The following NCOR2 variants were observed in gnomAD, a reference collection of about 807,000 sequenced individuals.
NCOR2 encodes the protein CTG repeat protein 26.
In NCOR2, 81 loss-of-function variants were observed where a neutral mutation model predicts 262.9. The observed-to-expected ratio is 0.31, with a 90% CI of 0.26 to 0.37. NCOR2 has a LOEUF of 0.37. Among genes scored for constraint, NCOR2 ranks in the 10% least tolerant of loss-of-function variants. The pLI is 1.00. For missense variants in NCOR2, 3,385 were observed against 3,621.4 expected (o/e 0.93, Z 1.68); for synonymous variants, 1,659 against 1,559.3 (o/e 1.06, Z -1.51).
chr12:124,446,860 A>G (rs1022288761), intron 7 of NCOR2, among the ~76,000 whole-genome samples: 6 of 152,238 alleles, frequency 3.9e-5, no homozygotes, highest in African/African-American at 1.2e-4. Context: ...ACAGAAGTTG[A>G]CTACTTACAG....
At chr12:124,350,508 T>C in intron 28 of NCOR2, 79 bp downstream of exon 30, 2 of 1,541,540 alleles carry the variant, frequency 1.3e-6, no homozygotes, top group Non-Finnish European at 8.8e-7. Context: ...AATCCAGCCC[T>C]GCCTCCCTGT....
In NCOR2 at chr12:124,443,236, C is replaced by G. The variant is rs984532618; in HGVS notation, c.816-5240G>C. 1.3e-5 allele frequency among the ~76,000 whole-genome samples: 2 copies of G among 152,218 alleles called. No individual in the cohort carries two copies. The highest frequency in any genetic ancestry group is 2.9e-5 in the Non-Finnish European group (2 of 68,040). On this transcript the variant is annotated intron_variant, in intron 7 of 46. Coordinates refer to ENST00000405201, the Ensembl canonical transcript of NCOR2. This position sits in a 1 kb window ranked among gnomAD's most constrained non-coding sequence, Gnocchi z 4.4. The stretch of plus-strand genomic sequence containing the variant: ...GAAAACGACTCGGTGAGCATGAGGC[C>G]TCGGGGTGGTGGTGATGTGCATGCA...
intron 18 of NCOR2, among the ~76,000 whole-genome samples, chr12:124,377,841 AAAAAAAAAAAC>A (rs1401470690): frequency 2.0e-5 from 3 of 151,840 alleles, no homozygotes; most frequent in East Asian, 3.9e-4. Flanking sequence ...TCCGTCTGAA[AAAAAAAAAAAC>A]AAAAAAAAAC....
At chr12:124,417,207 C>CAGGCCGGACACTCACTCCACGCAG (rs2042946413) in intron 13 of NCOR2, among the ~76,000 whole-genome samples, 3 of 32,978 alleles carry the variant, frequency 9.1e-5, no homozygotes, top group Admixed American at 4.1e-4. Context: ...ACTCCACGGA[C>CAGGCCGGACACTCACTCCACGCAG]AGCAGGCCGG....
At chr12:124,434,166 AG>A (rs2044196701) in intron 8 of NCOR2, among the ~76,000 whole-genome samples, 1 of 151,844 alleles carries the variant, frequency 6.6e-6, no homozygotes, top group South Asian at 2.1e-4. Context: ...CTCTGGGAAG[AG>A]GTATGGGGGT....
chr12:124,378,479 A>C lies in NCOR2; in HGVS notation c.2020-95T>G. 7.7e-7 allele frequency: 1 copy of C among 1,301,964 alleles called. No homozygotes were observed. The highest frequency in any genetic ancestry group is 2.5e-5 in the East Asian group (1 of 39,616). The allele number at this position is 1,301,964 out of a possible 1,614,324, so 80.7% of individuals were successfully genotyped here. On this transcript the variant is annotated intron_variant, in intron 17 of 46. Coordinates refer to ENST00000405201, the Ensembl canonical transcript of NCOR2. The surrounding 1 kb of genome is among the most constrained non-coding windows in gnomAD (Gnocchi z 4.2). ...GGGCCTCGCCGCAGGTGCAAAGGGC[A>C]GTGATCCCGGCCATGTAGCAATGAG...
At chr12:124,395,662 G>GCTTCTTCC (rs1565905353) in intron 16 of NCOR2, among the ~76,000 whole-genome samples, 4 of 152,178 alleles carry the variant, frequency 2.6e-5, no homozygotes, top group Non-Finnish European at 5.9e-5. Flanking sequence ...CAGAGGGCAG[G>GCTTCTTCC]CACTGTCTTC....
rs980170294 is a variant in NCOR2, at chr12:124,483,355, A to G, written c.411+241T>C. Among the ~76,000 whole-genome samples the G allele has an allele frequency of 7.3e-5, 11 of 151,560 alleles. No individual in the cohort carries two copies. The highest frequency in any genetic ancestry group is 2.4e-4 in the African/African-American group (10 of 41,188). Reference sequence around the variant, plus strand: ...CCTATTCCTGCCCCAGGGCCTTTGCACTTGCTGCTCTGCCCACCTGGAACA... The same window carrying G: ...CCTATTCCTGCCCCAGGGCCTTTGCGCTTGCTGCTCTGCCCACCTGGAACA... On this transcript the variant is annotated intron_variant, in intron 3 of 46. Coordinates refer to ENST00000405201, the Ensembl canonical transcript of NCOR2. This position sits in a 1 kb window ranked among gnomAD's most constrained non-coding sequence, Gnocchi z 6.3.
Position 124,483,719 on chromosome 12 carries a change from C to T in NCOR2, c.288G>A (p.Gly96=). 2 of 1,611,448 alleles carry T rather than the reference C, an allele frequency of 1.2e-6. No individual in the cohort carries two copies. Among genetic ancestry groups the T allele is most frequent in the Non-Finnish European group, 1.7e-6 (2 of 1,178,880 alleles). ...TTTCAATGAACTCCATCTCTGACTT[C>T]CCCAGCTCGGGCAGGTATGAGTGGG... The change falls in exon 3 of 47, where the codon GGG becomes GGA. Residue 96 remains glycine (G), a synonymous_variant. Coordinates refer to ENST00000405201, the Ensembl canonical transcript of NCOR2. This position sits in a 1 kb window ranked among gnomAD's most constrained non-coding sequence, Gnocchi z 6.3.
At position 124,346,522 on chromosome 12, in the gene NCOR2, C is replaced by T. The variant is rs749776481; in HGVS notation, c.4359+42G>A. ...GGCAGTGCCCCACAGCCACCGCCAC[C>T]CCTCCTAGAACTGGGCCCGTGTGCC... On this transcript the variant is annotated intron_variant, in intron 31 of 46. Transcript: ENST00000405201. 7.5e-6 allele frequency: 11 copies of T among 1,465,314 alleles called. No individual in the cohort carries two copies. The South Asian group carries it at 1.4e-4, about 19-fold the overall frequency. 90.8% of individuals were successfully genotyped at this position (1,465,314 alleles called of 1,614,324 possible).
At chr12:124,336,887 G>T in exon 38 of NCOR2, 1 of 1,608,048 alleles carries the variant, frequency 6.2e-7, no homozygotes, top group Non-Finnish European at 8.5e-7. Context: ...CTTCGCAGGG[G>T]TGCGGGCGAT....
chr12:124,533,288 C>T (rs997151675), intron 1 of NCOR2, among the ~76,000 whole-genome samples: 1 of 152,020 alleles, frequency 6.6e-6, no homozygotes. Flanking sequence ...CTCAGAATCG[C>T]GCAACCCGGG....
chr12:124,372,091 T>TG lies in NCOR2; in HGVS notation c.2737dup (p.Gln913ProfsTer16). The TG allele has an allele frequency of 6.2e-7, 1 of 1,603,716 alleles. No individual in the cohort carries two copies. On this transcript the variant is annotated frameshift_variant, in exon 20 of 47. Transcript: ENST00000405201. LOFTEE classifies it high-confidence loss of function. ...GCAGGTAGCACTGGAGTCGCTGTCC[T>TG]GGGGGGCGCCCGAGCTCTTGGCTGT... is the stretch of plus-strand genomic sequence containing the variant.
rs115918779 is a variant in NCOR2, at chr12:124,373,122, C to T, written c.2219-512G>A. Among the ~76,000 whole-genome samples the T allele has an allele frequency of 3.4e-3, 511 of 152,392 alleles. 4 individuals carry two copies. Among genetic ancestry groups the T allele is most frequent in the African/African-American group, 0.011 (477 of 41,596 alleles). The stretch of plus-strand genomic sequence containing the variant: ...AAGCTGGCAATTGTGAGGGCAAGGG[C>T]AACTGCCTGGTGACTGCCTGCTGCT... On this transcript the variant is annotated intron_variant, in intron 19 of 46. Transcript: ENST00000405201.
rs541274520 is a variant in NCOR2 at position 124,422,590 on chromosome 12, C to G, written c.1329-35G>C. 4.0e-5 allele frequency: 65 copies of G among 1,612,384 alleles called. No homozygotes were observed. The Admixed American group carries it at 7.7e-4, about 19-fold the overall frequency. On this transcript the variant is annotated intron_variant, in intron 11 of 46. Transcript: ENST00000405201. ...GAGAAGGGTGGGCGTGAGACCTGGC[C>G]GAGGGGGGCTTTCCTGCGGGGCAGC...
intron 1 of NCOR2, among the ~76,000 whole-genome samples, chr12:124,515,534 T>C (rs1434716114): frequency 5.9e-5 from 9 of 152,216 alleles, no homozygotes; most frequent in South Asian, 2.1e-4. Flanking sequence ...CGTATGCAGA[T>C]TGCAGCAGTT....
At chr12:124,434,785 G>A (rs778325013) in intron 8 of NCOR2, among the ~76,000 whole-genome samples, 10 of 152,114 alleles carry the variant, frequency 6.6e-5, no homozygotes, top group Admixed American at 3.3e-4. Flanking sequence ...GGTGAAGGTC[G>A]GCACCTCTGC....
intron 1 of NCOR2, among the ~76,000 whole-genome samples, chr12:124,552,453 T>G (rs1360834405): frequency 6.6e-6 from 1 of 152,238 alleles, no homozygotes; most frequent in Non-Finnish European, 1.5e-5. Context: ...CTTCACTCTG[T>G]GCTCTTCAGC....
chr12:124,557,923 C>T (rs1348270178), intron 1 of NCOR2, among the ~76,000 whole-genome samples: 1 of 152,162 alleles, frequency 6.6e-6, no homozygotes, highest in Non-Finnish European at 1.5e-5. Flanking sequence ...CAGAGGGCGA[C>T]ATCCCCTGCA....
Sources: gnomAD v4.1 joint callset for allele counts (sites outside exome capture counted in the v4.1 genomes callset) on GRCh38, gnomAD v4.1.1 for gene constraint, Gnocchi (gnomAD v3.1) non-coding constraint, MANE v1.5 for transcripts, NCBI Gene and HGNC (gene_info 2026-07-23, HGNC 2026-07-21) for gene names.